Variants in NPAS3 observed in about 807,000 individuals in gnomAD.
The protein encoded by NPAS3 is neuronal PAS domain protein 3, also known as neuronal PAS domain-containing protein 3.
NPAS3 carries 14 observed loss-of-function variants against 73.1 expected under a neutral mutation model. The ratio of observed to expected loss-of-function variants is 0.19; its 90% CI spans 0.13 to 0.30. The LOEUF is 0.30. Among genes scored for constraint, NPAS3 ranks in the 10% least tolerant of loss-of-function variants. The pLI is 1.00. For missense variants in NPAS3, 1,096 were observed against 1,250.0 expected (o/e 0.88, Z 1.86); for synonymous variants, 620 against 541.5 (o/e 1.14, Z -2.01).
At chr14:33,584,148 T>G (rs2056777557) in intron 5 of NPAS3, among the ~76,000 whole-genome samples, 1 of 152,192 alleles carries the variant, frequency 6.6e-6, no homozygotes, top group South Asian at 2.1e-4. Flanking sequence ...CTTCAAAATG[T>G]GTATAGTTAT....
chr14:33,163,623 G>GTTTT (rs71448290), intron 2 of NPAS3, among the ~76,000 whole-genome samples: 60 of 110,574 alleles, frequency 5.4e-4, no homozygotes, highest in Non-Finnish European at 7.4e-4. Flanking sequence ...GTGTTTTGTT[G>GTTTT]TTTTTTTTTT....
intron 4 of NPAS3, among the ~76,000 whole-genome samples, chr14:33,479,500 C>T (rs2051206787): frequency 6.6e-6 from 1 of 152,022 alleles, no homozygotes; most frequent in Non-Finnish European, 1.5e-5. Context: ...TTATAGATGA[C>T]AATAAAATAA....
intron 1 of NPAS3, among the ~76,000 whole-genome samples, chr14:33,021,003 T>A (rs1478663637): frequency 6.6e-6 from 1 of 152,166 alleles, no homozygotes; most frequent in African/African-American, 2.4e-5. Flanking sequence ...CCGCAGGTGA[T>A]CCACCTGCCT....
intron 5 of NPAS3, among the ~76,000 whole-genome samples, chr14:33,636,248 C>A (rs2058512054): frequency 6.6e-6 from 1 of 152,184 alleles, no homozygotes; most frequent in Non-Finnish European, 1.5e-5. Flanking sequence ...CACTACCCTG[C>A]ACAGTGTCTG....
intron 3 of NPAS3, among the ~76,000 whole-genome samples, chr14:33,300,858 G>A (rs898540239): frequency 6.6e-6 from 1 of 152,102 alleles, no homozygotes; most frequent in South Asian, 2.1e-4. Context: ...CCTCTAAGCT[G>A]CCCTGGCTCA....
chr14:33,689,433 T>C (rs1445428088), intron 6 of NPAS3, among the ~76,000 whole-genome samples: 2 of 152,194 alleles, frequency 1.3e-5, no homozygotes, highest in African/African-American at 2.4e-5. Flanking sequence ...GTTACCAAGT[T>C]TATTCCTAAT....
chr14:33,794,028 G>T (rs150843348), exon 10 of NPAS3: 3 of 1,612,910 alleles, frequency 1.9e-6, no homozygotes, highest in Non-Finnish European at 2.5e-6. Context: ...TATCATCTGG[G>T]TGAATTACCT....
At chr14:33,741,604 C>A (rs2061657308) in intron 7 of NPAS3, among the ~76,000 whole-genome samples, 1 of 152,182 alleles carries the variant, frequency 6.6e-6, no homozygotes, top group African/African-American at 2.4e-5. Flanking sequence ...TGTTTCTGAT[C>A]TTAAAGAATT....
chr14:33,693,296 CCT>C (rs578144165), intron 6 of NPAS3, among the ~76,000 whole-genome samples: 316 of 152,202 alleles, frequency 2.1e-3, no homozygotes, highest in South Asian at 0.01. Flanking sequence ...ATGACCAATC[CCT>C]GTTTTTGCTT....
intron 5 of NPAS3, among the ~76,000 whole-genome samples, chr14:33,584,305 A>AT (rs2056783963): frequency 6.6e-6 from 1 of 152,102 alleles, no homozygotes; most frequent in Non-Finnish European, 1.5e-5. Context: ...TGAAGACATG[A>AT]TTTTAAGAAA....
intron 5 of NPAS3, chr14:33,583,548 C>T (rs966525988): frequency 6.6e-6 from 1 of 151,974 alleles, no homozygotes; most frequent in South Asian, 2.1e-4. Flanking sequence ...AATGGCATAC[C>T]AGTTATTAAT....
intron 4 of NPAS3, among the ~76,000 whole-genome samples, chr14:33,476,069 G>A (rs954100086): frequency 1.3e-5 from 2 of 152,164 alleles, no homozygotes; most frequent in Non-Finnish European, 2.9e-5. Context: ...GCACAGACTT[G>A]CAAACATAAC....
intron 2 of NPAS3, among the ~76,000 whole-genome samples, chr14:33,095,708 G>T (rs2042392220): frequency 7.9e-6 from 1 of 126,156 alleles, no homozygotes; most frequent in South Asian, 2.5e-4. Context: ...TCGCTCTGTC[G>T]CCCAGGCTGG....
chr14:33,116,348 G>A (rs1051974332), intron 2 of NPAS3, among the ~76,000 whole-genome samples: 3 of 152,088 alleles, frequency 2.0e-5, no homozygotes, highest in Admixed American at 6.6e-5. Flanking sequence ...GTACTAATTT[G>A]CATAACTTCC....
chr14:33,788,343 GCT>G (rs1308457825), intron 9 of NPAS3, among the ~76,000 whole-genome samples: 2 of 152,184 alleles, frequency 1.3e-5, no homozygotes, highest in Non-Finnish European at 2.9e-5. Flanking sequence ...CGATAATGAA[GCT>G]CTTTGTTCGG....
chr14:33,575,255 G>A (rs528464900), intron 5 of NPAS3, among the ~76,000 whole-genome samples: 6 of 152,258 alleles, frequency 3.9e-5, no homozygotes, highest in Admixed American at 1.3e-4. Context: ...ACTGATGATC[G>A]AGTCCAGTAA....
At chr14:33,136,058 CTTTTTTTTT>C (rs34308954) in intron 2 of NPAS3, among the ~76,000 whole-genome samples, 2 of 115,412 alleles carry the variant, frequency 1.7e-5, no homozygotes, top group African/African-American at 3.3e-5. Flanking sequence ...TACCTTTTTT[CTTTTTTTTT>C]TTTTTTTTTT....
At chr14:33,219,746 G>A (rs945401782) in intron 3 of NPAS3, among the ~76,000 whole-genome samples, 2 of 152,122 alleles carry the variant, frequency 1.3e-5, no homozygotes, top group African/African-American at 2.4e-5. Context: ...TTAAATCATC[G>A]TGTAGTGTAA....
At position 33,618,629 on chromosome 14, in the gene NPAS3, G is replaced by A. The variant is rs561898807; in HGVS notation, c.559-57582G>A. Among the ~76,000 whole-genome samples the A allele has an allele frequency of 2.4e-4, 36 of 152,280 alleles. 1 individual carries two copies. The highest frequency in any genetic ancestry group is 6.8e-3 in the Middle Eastern group (2 of 294). ...TGTGGTCCGATTCCTAACAGGCCAC[G>A]GTTGGTACCGGTCTATGGCCTGGGA... On this transcript the variant is annotated intron_variant, in intron 5 of 11. Coordinates refer to ENST00000356141, the Ensembl canonical transcript of NPAS3.
Sources: allele counts gnomAD v4.1 joint callset (sites outside exome capture counted in the v4.1 genomes callset), GRCh38; gene constraint gnomAD v4.1.1; transcripts MANE v1.5; gene names NCBI Gene and HGNC (gene_info 2026-07-23, HGNC 2026-07-21).